RAB5A: variants seen among roughly 807,000 people sequenced by gnomAD.
RAB5A encodes the protein ras-related protein Rab-5A.
A neutral mutation model predicts 25.7 loss-of-function variants in RAB5A; 8 were observed. That is an observed-to-expected ratio of 0.31 (90% CI 0.18 to 0.56). The LOEUF (loss-of-function observed/expected upper bound fraction) is 0.56. RAB5A is among the 20% of genes least tolerant of loss of function. RAB5A has a pLI of 0.91. For synonymous variants in RAB5A, 98 were observed against 89.8 expected, an observed-to-expected ratio of 1.09 and a Z score of -0.52; for missense variants, 192 against 259.7, an observed-to-expected ratio of 0.74 and a Z score of 1.79.
intron 1 of RAB5A, among the ~76,000 whole-genome samples, chr3:19,949,913 C>G (rs556836635): frequency 1.8e-4 from 27 of 152,204 alleles, no homozygotes; most frequent in African/African-American, 6.0e-4. Flanking sequence ...TTCTGAGCGC[C>G]TGTAGTCTCA....
At chr3:19,947,554 G>C (rs1428449053) in intron 1 of RAB5A, 33 bp downstream of exon 1, 1 of 152,324 alleles carries the variant, frequency 6.6e-6, no homozygotes, top group Non-Finnish European at 1.5e-5. Flanking sequence ...TGCGCAGCGG[G>C]GGCCTGGACC....
intron 2 of RAB5A, among the ~76,000 whole-genome samples, chr3:19,966,576 T>C (rs545695445): frequency 1.3e-5 from 2 of 152,346 alleles, no homozygotes; most frequent in Non-Finnish European, 2.9e-5. Context: ...CTGGATCATA[T>C]GGTGATTCTA....
At position 19,975,708 on chromosome 3, in the gene RAB5A, A is replaced by G; in HGVS notation, c.271A>G (p.Arg91Gly). ...CCATAGCCTAGCACCAATGTACTAC[A>G]GAGGAGCACAAGCAGCCATAGTTGT... ...RYHSLAPMYYRGAQAAIVVYD... is the reference protein window; with the variant it reads ...RYHSLAPMYYGGAQAAIVVYD... Residue 91 changes from arginine (R) to glycine (G), a missense_variant, in exon 3 of 6, where the codon AGA becomes GGA. By Grantham distance (125) the Arg-to-Gly change is moderately radical. This residue lies in a region of RAB5A where 39 missense variants were observed against 91.6 expected (regional missense o/e 0.43). Coordinates refer to ENST00000273047, the MANE Select transcript of RAB5A (RefSeq NM_004162.5). 1 of 1,613,806 alleles carries G rather than the reference A, an allele frequency of 6.2e-7. No individual in the cohort carries two copies. Among genetic ancestry groups the G allele is most frequent in the African/African-American group, 1.3e-5 (1 of 75,056 alleles).
intron 5 of RAB5A, 74 bp from the exon 6 acceptor site, chr3:19,983,634 T>C: frequency 9.9e-7 from 1 of 1,014,552 alleles, no homozygotes; most frequent in Middle Eastern, 2.1e-4. Context: ...GAAAGAAAAA[T>C]TATAGATAAG....
chr3:19,950,973 T>C lies in RAB5A; in HGVS notation c.75T>C (p.Leu25=). The change falls in exon 2 of 6, where the codon CTT becomes CTC. Residue 25 remains leucine, a synonymous_variant. Transcript: ENST00000273047. ...AAATATGCCAGTTCAAACTAGTACT[T>C]CTGGGAGAGTCCGCTGTTGGCAAAT... The part of the protein sequence containing the change: ...GNKICQFKLV[L]LGESAVGKSS... 1 of 1,614,096 alleles carries C rather than the reference T, an allele frequency of 6.2e-7. No homozygotes were observed. Among genetic ancestry groups the C allele is most frequent in the Non-Finnish European group, 8.5e-7 (1 of 1,179,970 alleles).
At position 19,984,053 on chromosome 3, in the gene RAB5A, C is replaced by T. The variant is rs1696984964; in HGVS notation, c.*230C>T. 2.1e-6 allele frequency: 1 copy of T among 471,178 alleles called. No individual in the cohort carries two copies. Among genetic ancestry groups the T allele is most frequent in the Non-Finnish European group, 3.9e-6 (1 of 256,716 alleles). The allele number at this position is 471,178 out of a possible 1,614,324, so 29.2% of individuals were successfully genotyped here. ...GGGAAAAATGAGAACTATGTGGACA[C>T]TTGTTTCATTGGAAGGTTAGGGGGA... is the stretch of plus-strand genomic sequence containing the variant. On this transcript the variant is annotated 3_prime_UTR_variant, in exon 6 of 6. Coordinates refer to ENST00000273047, the MANE Select transcript of RAB5A (RefSeq NM_004162.5).
At chr3:19,974,372 C>T (rs1486521844) in intron 2 of RAB5A, among the ~76,000 whole-genome samples, 1 of 152,014 alleles carries the variant, frequency 6.6e-6, no homozygotes, top group Admixed American at 6.6e-5. Context: ...CCAGGATGGT[C>T]TTGATCTCCT....
intron 1 of RAB5A, chr3:19,948,012 T>C (rs11716116): frequency 0.55 from 83,223 of 151,968 alleles, 23,236 homozygotes; most frequent in Non-Finnish European, 0.59. Flanking sequence ...GCTCCGCCTA[T>C]CTTCAACTTC....
intron 2 of RAB5A, among the ~76,000 whole-genome samples, chr3:19,971,114 T>C (rs1696743366): frequency 1.4e-5 from 2 of 144,072 alleles, no homozygotes; most frequent in Non-Finnish European, 3.0e-5. Context: ...GGAGAATCAC[T>C]CGAACCCAGG....
chr3:19,960,387 ACTTCTGGGCTCCAGCCAT>A (rs1176173830), intron 2 of RAB5A, among the ~76,000 whole-genome samples: 3 of 152,088 alleles, frequency 2.0e-5, no homozygotes, highest in African/African-American at 7.2e-5. Flanking sequence ...TGCAGCCTCA[ACTTCTGGGCTCCAGCCAT>A]CTTCCCACCT....
At chr3:19,983,558 A>G (rs1459032227) in intron 5 of RAB5A, 150 bp from the exon 6 acceptor site, 7 of 624,824 alleles carry the variant, frequency 1.1e-5, no homozygotes, top group South Asian at 1.9e-5. Flanking sequence ...TTGGCATTCA[A>G]TACTCAGTAA....
intron 1 of RAB5A, chr3:19,947,914 C>T (rs535449522): frequency 6.6e-6 from 1 of 152,516 alleles, no homozygotes; most frequent in African/African-American, 2.4e-5. Flanking sequence ...GCGAGTGCTG[C>T]TTATCCAGGC....
At chr3:19,962,680 C>A (rs62241289) in intron 2 of RAB5A, among the ~76,000 whole-genome samples, 24,885 of 152,132 alleles carry the variant, frequency 0.16, 2,685 homozygotes, top group Non-Finnish European at 0.24. Context: ...AATATCAGTT[C>A]TCTAGTTTTA....
At chr3:19,967,122 C>G (rs1170099995) in intron 2 of RAB5A, among the ~76,000 whole-genome samples, 1 of 151,720 alleles carries the variant, frequency 6.6e-6, no homozygotes, top group Non-Finnish European at 1.5e-5. Context: ...TCCGTTGGAT[C>G]AATGTTTATT....
chr3:19,959,836 A>G (rs1696560489), intron 2 of RAB5A, among the ~76,000 whole-genome samples: 1 of 151,982 alleles, frequency 6.6e-6, no homozygotes. Context: ...GTGTTGCCCA[A>G]GCAGGTCTTA....
intron 4 of RAB5A, among the ~76,000 whole-genome samples, chr3:19,977,001 A>G (rs1696834225): frequency 1.3e-5 from 2 of 152,196 alleles, no homozygotes; most frequent in South Asian, 4.1e-4. Flanking sequence ...TACGATTGCT[A>G]ATTCAGAATG....
rs62241280 is a variant in RAB5A, at chr3:19,947,170, A to G, written c.-445A>G. The G allele has an allele frequency of 0.17, 27,266 of 156,898 alleles. 3,253 individuals are homozygous for G. The highest frequency in any genetic ancestry group is 0.25 in the Non-Finnish European group (17,792 of 71,694). The allele number at this position is 156,898 out of a possible 1,614,324, so 9.7% of individuals were successfully genotyped here. A position where few individuals can be genotyped will look rare whatever the true frequency, so the allele number is the denominator to read the frequency against. ...GAAGTGGCTCCGGCGGTGGGACTTG[A>G]GTGTTTGTGTTTTGGTTCGTGAAGG... is the stretch of plus-strand genomic sequence containing the variant. On this transcript the variant is annotated 5_prime_UTR_variant, in exon 1 of 6. Coordinates refer to ENST00000273047, the MANE Select transcript of RAB5A (RefSeq NM_004162.5).
At chr3:19,960,209 T>A (rs1336568733) in intron 2 of RAB5A, among the ~76,000 whole-genome samples, 3 of 152,226 alleles carry the variant, frequency 2.0e-5, no homozygotes, top group African/African-American at 7.2e-5. Flanking sequence ...GATAGGATAG[T>A]ATCATTTGGA....
chr3:19,952,984 T>C (rs557099202), intron 2 of RAB5A, among the ~76,000 whole-genome samples: 1 of 152,306 alleles, frequency 6.6e-6, no homozygotes, highest in Non-Finnish European at 1.5e-5. Flanking sequence ...AAAGTATATG[T>C]GCATTCTGGG....
Sources: allele counts gnomAD v4.1 joint callset (sites outside exome capture counted in the v4.1 genomes callset), GRCh38; gene constraint gnomAD v4.1.1; regional missense constraint gnomAD v4.1.1; transcripts MANE v1.5; gene names NCBI Gene and HGNC (gene_info 2026-07-23, HGNC 2026-07-21).